The following GET3 variants were observed in gnomAD, a reference collection of about 807,000 sequenced individuals.
GET3 encodes ATPase GET3.
GET3 carries 15 observed loss-of-function variants against 32.4 expected under a neutral mutation model. The observed-to-expected ratio is 0.46, with a 90% CI of 0.31 to 0.71. The LOEUF (loss-of-function observed/expected upper bound fraction) is 0.71, where lower values mean the gene tolerates loss of function less well. GET3 is among the 30% of genes least tolerant of loss of function. The pLI, the probability that GET3 is intolerant of heterozygous loss-of-function variation, is 0.05. For missense variants in GET3, 333 were observed against 459.0 expected (o/e 0.73, Z 2.51); for synonymous variants, 198 against 185.6 (o/e 1.07, Z -0.54).
At chr19:12,738,244 G>A (rs1967608687) in intron 1 of GET3, among the ~76,000 whole-genome samples, 1 of 152,078 alleles carries the variant, frequency 6.6e-6, no homozygotes, top group Non-Finnish European at 1.5e-5. Flanking sequence ...ATGCCACTGT[G>A]CCCAGCAAAA....
intron 2 of GET3, among the ~76,000 whole-genome samples, chr19:12,742,991 G>A (rs928103976): frequency 6.6e-6 from 1 of 152,206 alleles, no homozygotes; most frequent in Non-Finnish European, 1.5e-5. Flanking sequence ...GAGGAACACT[G>A]ACAGTTTACA....
chr19:12,737,523 C>A lies in GET3; in HGVS notation c.18C>A (p.Ala6=). The change falls in exon 1 of 7, where the codon GCC becomes GCA. Residue 6 remains alanine, a synonymous_variant. Transcript: ENST00000357332. ...GTTCCAAAATGGCGGCAGGGGTGGC[C>A]GGGTGGGGGGTTGAGGCAGAGGAGT... is the stretch of plus-strand genomic sequence containing the variant. MAAGV[A]GWGVEAEEFE... 1.9e-6 allele frequency: 3 copies of A among 1,561,224 alleles called. No individual in the cohort carries two copies. The highest frequency in any genetic ancestry group is 1.2e-5 in the South Asian group (1 of 84,286).
At position 12,745,431 on chromosome 19, in the gene GET3, G is replaced by A; in HGVS notation, c.364G>A (p.Asp122Asn). Reference sequence around the variant, plus strand: ...GCTGCCTGACGAGTTCTTCGAGGAGGACAACATGCTGAGCATGGGCAAGAA... The same window carrying A: ...GCTGCCTGACGAGTTCTTCGAGGAGAACAACATGCTGAGCATGGGCAAGAA... Reference protein sequence around the residue: ...AELPDEFFEEDNMLSMGKKMM... With the variant: ...AELPDEFFEENNMLSMGKKMM... Residue 122 changes from aspartate (D) to asparagine (N), a missense_variant, in exon 3 of 7, where the codon GAC becomes AAC. Physicochemically the swap from Asp to Asn is conservative, Grantham distance 23. Around this residue, in one of 3 missense-constraint regions of GET3, gnomAD observed 230 missense variants for 389.2 expected, o/e 0.59. Coordinates refer to ENST00000357332, the MANE Select transcript of GET3 (RefSeq NM_004317.4). The surrounding 1 kb of genome is among the most constrained non-coding windows in gnomAD (Gnocchi z 5.0). The A allele has an allele frequency of 1.2e-6, 2 of 1,612,968 alleles. No homozygotes were observed. Among genetic ancestry groups the A allele is most frequent in the Non-Finnish European group, 1.7e-6 (2 of 1,179,992 alleles).
intron 2 of GET3, among the ~76,000 whole-genome samples, chr19:12,744,321 TTTG>T (rs776219683): frequency 1.3e-3 from 190 of 151,858 alleles, no homozygotes; most frequent in Admixed American, 6.3e-3. Context: ...TGTGTTTTGT[TTTG>T]TTGTTTGTTT....
intron 4 of GET3, among the ~76,000 whole-genome samples, chr19:12,746,275 G>A (rs1967769408): frequency 6.6e-6 from 1 of 152,214 alleles, no homozygotes; most frequent in Non-Finnish European, 1.5e-5. Context: ...TGGGACTACA[G>A]ACATGTACCA....
chr19:12,739,317 G>A (rs887158101), intron 2 of GET3, among the ~76,000 whole-genome samples: 2 of 152,086 alleles, frequency 1.3e-5, no homozygotes, highest in African/African-American at 4.8e-5. Flanking sequence ...ACAGGCTTGC[G>A]CCACCACTGC....
At chr19:12,737,358 A>T, upstream of GET3, 1 of 1,145,556 alleles carries the variant, frequency 8.7e-7, no homozygotes, top group Non-Finnish European at 1.2e-6. Context: ...AGCAAAGAAT[A>T]GTGAAAATAT....
At position 12,738,647 on chromosome 19, in the gene GET3, C is replaced by T. The variant is rs1599446720; in HGVS notation, c.298C>T (p.Leu100Phe). 1 of 1,614,180 alleles carries T rather than the reference C, an allele frequency of 6.2e-7. No homozygotes were observed. The highest frequency in any genetic ancestry group is 8.5e-7 in the Non-Finnish European group (1 of 1,180,042). ...VPTKVKGYDN[L>F]FAMEIDPSLG... is the part of the protein sequence containing the mutation. Reference sequence around the variant, plus strand: ...TACCAAGGTCAAAGGCTATGACAACCTCTTTGCTATGGTGAGTGGAACAGG... The same window carrying T: ...TACCAAGGTCAAAGGCTATGACAACTTCTTTGCTATGGTGAGTGGAACAGG... Residue 100 changes from leucine to phenylalanine, a missense_variant, in exon 2 of 7, where the codon CTC (leucine) becomes TTC (phenylalanine). Physicochemically the swap from Leu to Phe is conservative, Grantham distance 22. Transcript: ENST00000357332.
At chr19:12,741,066 G>A (rs1037441899) in intron 2 of GET3, among the ~76,000 whole-genome samples, 5 of 152,134 alleles carry the variant, frequency 3.3e-5, no homozygotes, top group African/African-American at 1.2e-4. Flanking sequence ...GCTCATGCCT[G>A]TAATCCCAGC....
intron 2 of GET3, 138 bp downstream of exon 2, chr19:12,738,796 T>G: frequency 8.4e-7 from 1 of 1,187,686 alleles, no homozygotes; most frequent in Non-Finnish European, 1.2e-6. Flanking sequence ...CTCAACATAC[T>G]CACAAGGGAA....
intron 2 of GET3, among the ~76,000 whole-genome samples, chr19:12,742,344 G>A (rs1967687030): frequency 6.6e-6 from 1 of 150,416 alleles, no homozygotes; most frequent in African/African-American, 2.5e-5. Context: ...CGATTCTCCT[G>A]CCTCAGCCTC....
intron 2 of GET3, among the ~76,000 whole-genome samples, chr19:12,744,303 T>C (rs1298783980): frequency 1.3e-5 from 2 of 151,848 alleles, no homozygotes; most frequent in African/African-American, 4.8e-5. Flanking sequence ...AGATTCTACA[T>C]ACATGTTTGT....
chr19:12,747,469 G>A lies in GET3; in HGVS notation c.792G>A (p.Glu264=). 1 of 1,614,022 alleles carries A rather than the reference G, an allele frequency of 6.2e-7. No homozygotes were observed. Among genetic ancestry groups the A allele is most frequent in the African/African-American group, 1.3e-5 (1 of 74,986 alleles). ...ATGAGACAGAGAGGCTGATCCAGGA[G>A]CTGGCCAAGTGCAAGATTGACACAC... is the stretch of plus-strand genomic sequence containing the variant. ...SLYETERLIQ[E]LAKCKIDTHN... is the part of the protein sequence containing the mutation. Residue 264 remains glutamate, a synonymous_variant, in exon 6 of 7, where the codon GAG becomes GAA. Coordinates refer to ENST00000357332, the MANE Select transcript of GET3 (RefSeq NM_004317.4). The surrounding 1 kb of genome is among the most constrained non-coding windows in gnomAD (Gnocchi z 4.0).
In GET3 at chr19:12,747,680, C is replaced by G; in HGVS notation, c.915+88C>G. 7.0e-7 allele frequency: 1 copy of G among 1,433,560 alleles called. No homozygotes were observed. Among genetic ancestry groups the G allele is most frequent in the Non-Finnish European group, 9.4e-7 (1 of 1,058,204 alleles). The allele number at this position is 1,433,560 out of a possible 1,614,324, so 88.8% of individuals were successfully genotyped here. On this transcript the variant is annotated intron_variant, in intron 6 of 6. Transcript: ENST00000357332. This position sits in a 1 kb window ranked among gnomAD's most constrained non-coding sequence, Gnocchi z 4.0. Reference sequence around the variant, plus strand: ...TTTGCTCCACCATCTGGCCCTCTGCCCTCTAGCCTCCTGCCCTTTGCCCCC... The same window carrying G: ...TTTGCTCCACCATCTGGCCCTCTGCGCTCTAGCCTCCTGCCCTTTGCCCCC...
chr19:12,747,377 C>T lies in GET3; in HGVS notation c.718-18C>T, dbSNP rs1056466236. 4.3e-6 allele frequency: 7 copies of T among 1,613,900 alleles called. 1 individual carries two copies. Among genetic ancestry groups the T allele is most frequent in the Non-Finnish European group, 5.9e-6 (7 of 1,179,808 alleles). ...GGGGCAGACCCCGCCCCTCACTGTC[C>T]TCTCTCGTGCCCTGTAGGAGCAGAC... is the stretch of plus-strand genomic sequence containing the variant. On this transcript the variant is annotated intron_variant, in intron 5 of 6. Coordinates refer to ENST00000357332, the MANE Select transcript of GET3 (RefSeq NM_004317.4). The surrounding 1 kb of genome is among the most constrained non-coding windows in gnomAD (Gnocchi z 4.0).
chr19:12,741,359 G>A (rs939302474), intron 2 of GET3, among the ~76,000 whole-genome samples: 4 of 152,188 alleles, frequency 2.6e-5, no homozygotes, highest in South Asian at 4.1e-4. Flanking sequence ...GGGAGGCTGA[G>A]GCAGGAGAAT....
At position 12,745,864 on chromosome 19, in the gene GET3, C is replaced by A; in HGVS notation, c.609+105C>A. 7.2e-7 allele frequency: 1 copy of A among 1,391,988 alleles called. No homozygotes were observed. The highest frequency in any genetic ancestry group is 9.6e-7 in the Non-Finnish European group (1 of 1,044,038). The allele number at this position is 1,391,988 out of a possible 1,614,324, so 86.2% of individuals were successfully genotyped here. The stretch of plus-strand genomic sequence containing the variant: ...CGCACTAACAATTCCCTTTCCTTCC[C>A]ACCCCTTCTCACTCTGGACTTCTCC... On this transcript the variant is annotated intron_variant, in intron 4 of 6. Transcript: ENST00000357332. This position sits in a 1 kb window ranked among gnomAD's most constrained non-coding sequence, Gnocchi z 5.0.
intron 2 of GET3, 24 bp downstream of exon 2, chr19:12,738,682 C>T (rs1967614679): frequency 3.1e-6 from 5 of 1,613,756 alleles, no homozygotes; most frequent in Admixed American, 1.7e-5. Context: ...GGCTTAGCCC[C>T]CACTTCTGGG....
intron 2 of GET3, among the ~76,000 whole-genome samples, chr19:12,741,666 G>A (rs1967671580): frequency 6.6e-6 from 1 of 151,630 alleles, no homozygotes; most frequent in African/African-American, 2.4e-5. Context: ...GGCTGAGGCA[G>A]GAGAATTGCT....
Sources: gnomAD v4.1 joint callset for allele counts (sites outside exome capture counted in the v4.1 genomes callset) on GRCh38, gnomAD v4.1.1 for gene constraint, gnomAD v4.1.1 regional missense constraint, Gnocchi (gnomAD v3.1) non-coding constraint, MANE v1.5 for transcripts, NCBI Gene and HGNC (gene_info 2026-07-23, HGNC 2026-07-21) for gene names.